Variants in ZNF697 observed in about 807,000 individuals in gnomAD.
ZNF697 encodes the protein zinc finger protein 697.
In ZNF697, 23 loss-of-function variants were observed where a neutral mutation model predicts 32.4. The observed-to-expected ratio is 0.71, with a 90% CI of 0.51 to 1.01. ZNF697 has a LOEUF of 1.01. ZNF697 is among the 50% of genes least tolerant of loss of function. The pLI, the probability that ZNF697 is intolerant of heterozygous loss-of-function variation, is 0.00. For missense variants in ZNF697, 930 were observed against 794.0 expected (o/e 1.17, Z -2.06); for synonymous variants, 418 against 337.2 (o/e 1.24, Z -2.62).
chr1:119,646,509 A>G (rs981114038), intron 1 of ZNF697, among the ~76,000 whole-genome samples: 3 of 152,052 alleles, frequency 2.0e-5, no homozygotes, highest in African/African-American at 7.2e-5. Context: ...ATCTCTCCCA[A>G]AGAAGCTAAG....
At chr1:119,636,284 G>T (rs891223729) in intron 1 of ZNF697, among the ~76,000 whole-genome samples, 5 of 152,206 alleles carry the variant, frequency 3.3e-5, no homozygotes, top group Non-Finnish European at 7.3e-5. Flanking sequence ...AAATGTGTCT[G>T]TAGACACTTT....
At chr1:119,638,615 C>T (rs944877565) in intron 1 of ZNF697, among the ~76,000 whole-genome samples, 3 of 152,222 alleles carry the variant, frequency 2.0e-5, no homozygotes, top group Non-Finnish European at 4.4e-5. Context: ...GGTCAGCCTT[C>T]AAGGGTCTTT....
intron 1 of ZNF697, among the ~76,000 whole-genome samples, chr1:119,633,201 T>C (rs1648827308): frequency 6.6e-6 from 1 of 152,238 alleles, no homozygotes; most frequent in Admixed American, 6.5e-5. Flanking sequence ...GGCCAGACTC[T>C]CAATTTTGCG....
At chr1:119,625,523 A>G (rs1339769583) in intron 2 of ZNF697, among the ~76,000 whole-genome samples, 1 of 152,218 alleles carries the variant, frequency 6.6e-6, no homozygotes, top group Non-Finnish European at 1.5e-5. Flanking sequence ...TAGTAACTCT[A>G]TATGCAGCAA....
At chr1:119,642,421 T>C (rs1194487726) in intron 1 of ZNF697, among the ~76,000 whole-genome samples, 2 of 152,318 alleles carry the variant, frequency 1.3e-5, no homozygotes, top group East Asian at 3.9e-4. Context: ...TGTATCACTC[T>C]GGAGCAGGAT....
chr1:119,628,745 T>A (rs1475040236), intron 1 of ZNF697, among the ~76,000 whole-genome samples: 1 of 152,154 alleles, frequency 6.6e-6, no homozygotes, highest in Non-Finnish European at 1.5e-5. Flanking sequence ...CAGCACATCA[T>A]GGGGTTTTAG....
chr1:119,623,977 C>G lies in ZNF697; in HGVS notation c.366G>C (p.Glu122Asp). 1.2e-6 allele frequency: 2 copies of G among 1,610,118 alleles called. No homozygotes were observed. The highest frequency in any genetic ancestry group is 8.5e-7 in the Non-Finnish European group (1 of 1,178,362). Residue 122 changes from glutamate to aspartate, a missense_variant, in exon 3 of 3, where the codon GAG becomes GAC. By Grantham distance (45) the Glu-to-Asp change is conservative. Coordinates refer to ENST00000421812, the MANE Select transcript of ZNF697 (RefSeq NM_001080470.2). ...CCTCCAGCCGGTTCTCCCCAGCACT[C>G]TCGTCGTCGTCCTCCCGGAGGCTCC... is the stretch of plus-strand genomic sequence containing the variant. ...ISRSLREDDDESAGENRLEEE... is the reference protein window; with the variant it reads ...ISRSLREDDDDSAGENRLEEE...
chr1:119,638,675 T>C (rs1006693094), intron 1 of ZNF697, among the ~76,000 whole-genome samples: 1 of 152,210 alleles, frequency 6.6e-6, no homozygotes, highest in African/African-American at 2.4e-5. Context: ...TTCCTGTAGC[T>C]TTATACAGCT....
chr1:119,628,695 A>G (rs1244888907), intron 1 of ZNF697, among the ~76,000 whole-genome samples: 1 of 152,244 alleles, frequency 6.6e-6, no homozygotes, highest in Non-Finnish European at 1.5e-5. Context: ...AAAACTGGAA[A>G]TCTGCATGCC....
chr1:119,631,726 C>G (rs1278004641), intron 1 of ZNF697, among the ~76,000 whole-genome samples: 2 of 152,152 alleles, frequency 1.3e-5, no homozygotes, highest in Non-Finnish European at 2.9e-5. Flanking sequence ...AAGGAAGCGG[C>G]CCGGCGGGCG....
rs1425778675 is a variant in ZNF697 at position 119,647,048 on chromosome 1, G to GT, written c.-38+642dup. On this transcript the variant is annotated intron_variant, in intron 1 of 2. Coordinates refer to ENST00000421812, the MANE Select transcript of ZNF697 (RefSeq NM_001080470.2). The stretch of plus-strand genomic sequence containing the variant: ...TTCAATTCAGCCCAGGGTTCATGTA[G>GT]TAAGGGGTGGGTGATTCACTCCTGT... 8.6e-5 allele frequency among the ~76,000 whole-genome samples: 12 copies of GT among 140,016 alleles called. 1 individual carries two copies. 91.9% of individuals were successfully genotyped at this position (140,016 alleles called of 152,430 possible). A position where few individuals can be genotyped will look rare whatever the true frequency, so the allele number is the denominator to read the frequency against.
chr1:119,643,216 A>C lies in ZNF697; in HGVS notation c.-38+4475T>G, dbSNP rs1435147575. Among the ~76,000 whole-genome samples, 3 of 152,344 alleles carry C rather than the reference A, an allele frequency of 2.0e-5. No individual in the cohort carries two copies. The South Asian group carries it at 6.2e-4, about 32-fold the overall frequency. On this transcript the variant is annotated intron_variant, in intron 1 of 2. Coordinates refer to ENST00000421812, the MANE Select transcript of ZNF697 (RefSeq NM_001080470.2). ...TACCCATAGCAAATTTAGCCTCCAC[A>C]GGAAGGAGAAATCTGAAGTATCGCA...
intron 1 of ZNF697, among the ~76,000 whole-genome samples, chr1:119,632,936 G>T (rs1207109726): frequency 6.6e-6 from 1 of 152,088 alleles, no homozygotes; most frequent in Non-Finnish European, 1.5e-5. Flanking sequence ...TCTGTTGATG[G>T]TTTTTTATTC....
At chr1:119,631,219 C>T (rs2101086340) in intron 1 of ZNF697, among the ~76,000 whole-genome samples, 1 of 152,374 alleles carries the variant, frequency 6.6e-6, no homozygotes, top group East Asian at 1.9e-4. Flanking sequence ...CTGCGCGGAC[C>T]CCAAGCTGTC....
rs587754241 is a variant in ZNF697, at chr1:119,648,173, G to A, written c.-520C>T. 4.0e-5 allele frequency among the ~76,000 whole-genome samples: 6 copies of A among 151,484 alleles called. No homozygotes were observed. Among genetic ancestry groups the A allele is most frequent in the Non-Finnish European group, 7.4e-5 (5 of 67,900 alleles). On this transcript the variant is annotated 5_prime_UTR_variant, in exon 1 of 3. Coordinates refer to ENST00000421812, the MANE Select transcript of ZNF697 (RefSeq NM_001080470.2). ...CTTGTGCGGCGGCGGCGGCTGCAGC[G>A]GCCGCTGGGTGGCCCGCTGGCTGGC...
At position 119,622,543 on chromosome 1, in the gene ZNF697, CT is replaced by C. The variant is rs1358375198; in HGVS notation, c.*161del. 4 of 1,332,406 alleles carry C rather than the reference CT, an allele frequency of 3.0e-6. No homozygotes were observed. Among genetic ancestry groups the C allele is most frequent in the Non-Finnish European group, 4.0e-6 (4 of 1,012,542 alleles). 82.5% of individuals were successfully genotyped at this position (1,332,406 alleles called of 1,614,324 possible). A position where few individuals can be genotyped will look rare whatever the true frequency, so the allele number is the denominator to read the frequency against. ...TATAGCACCGGGAAAGACCAACTTA[CT>C]CAACACTCCTCCCACTTCAGGAAAC... On this transcript the variant is annotated 3_prime_UTR_variant, in exon 3 of 3. Transcript: ENST00000421812.
In ZNF697 at chr1:119,622,584, G is replaced by C; in HGVS notation, c.*121C>G. 7.0e-7 allele frequency: 1 copy of C among 1,419,900 alleles called. No homozygotes were observed. The highest frequency in any genetic ancestry group is 2.9e-5 in the Admixed American group (1 of 34,212). 88.0% of individuals were successfully genotyped at this position (1,419,900 alleles called of 1,614,324 possible). A position where few individuals can be genotyped will look rare whatever the true frequency, so the allele number is the denominator to read the frequency against. The stretch of plus-strand genomic sequence containing the variant: ...CTTCAGGAAACCCCAAACACCAAAG[G>C]CTCCCCAGTCACTCTCAGATTGTCC... On this transcript the variant is annotated 3_prime_UTR_variant, in exon 3 of 3. Transcript: ENST00000421812.
chr1:119,639,070 A>G (rs1388090306), intron 1 of ZNF697, among the ~76,000 whole-genome samples: 1 of 152,194 alleles, frequency 6.6e-6, no homozygotes, highest in Non-Finnish European at 1.5e-5. Flanking sequence ...CAGATTTAAA[A>G]ACAAGTATTA....
chr1:119,633,429 A>G (rs1648839781), intron 1 of ZNF697, among the ~76,000 whole-genome samples: 1 of 151,884 alleles, frequency 6.6e-6, no homozygotes, highest in Admixed American at 6.6e-5. Flanking sequence ...GATTTATCAT[A>G]AAGAACTGGC....
Sources: gnomAD v4.1 joint callset for allele counts (sites outside exome capture counted in the v4.1 genomes callset) on GRCh38, gnomAD v4.1.1 for gene constraint, MANE v1.5 for transcripts, NCBI Gene and HGNC (gene_info 2026-07-23, HGNC 2026-07-21) for gene names.